The following SPARCL1 variants were observed in gnomAD, a reference collection of about 807,000 sequenced individuals.
SPARCL1 encodes SPARC like 1.
SPARCL1 carries 52 observed loss-of-function variants against 67.1 expected under a neutral mutation model. The observed-to-expected ratio is 0.78, with a 90% CI of 0.62 to 0.98. The LOEUF (loss-of-function observed/expected upper bound fraction) is 0.98, where lower values mean the gene tolerates loss of function less well. SPARCL1 is among the 50% of genes least tolerant of loss of function. The pLI, the probability that SPARCL1 is intolerant of heterozygous loss-of-function variation, is 0.00. For missense variants in SPARCL1, 717 were observed against 782.4 expected (o/e 0.92, Z 1.00); for synonymous variants, 226 against 267.8 (o/e 0.84, Z 1.52).
chr4:87,473,850 A>G, intron 10 of SPARCL1, 47 bp from the exon 11 acceptor site: 1 of 1,321,368 alleles, frequency 7.6e-7, no homozygotes, highest in Non-Finnish European at 1.1e-6. Flanking sequence ...AAGTAGCCAG[A>G]GTAGTAGCAC....
intron 6 of SPARCL1, 147 bp from the exon 7 acceptor site, chr4:87,490,540 T>C: frequency 1.9e-6 from 2 of 1,041,254 alleles, no homozygotes; most frequent in South Asian, 3.4e-5. Flanking sequence ...ATTGTTCCAT[T>C]TGGCATCAAA....
intron 7 of SPARCL1, among the ~76,000 whole-genome samples, chr4:87,484,358 A>T (rs201703716): frequency 7.8e-6 from 1 of 128,790 alleles, no homozygotes; most frequent in Non-Finnish European, 1.6e-5. Flanking sequence ...CCCATTGCTT[A>T]TTTTTGTCAG....
At chr4:87,526,803 C>A (rs1205526599) in intron 1 of SPARCL1, among the ~76,000 whole-genome samples, 1 of 152,196 alleles carries the variant, frequency 6.6e-6, no homozygotes, top group Non-Finnish European at 1.5e-5. Flanking sequence ...TATAGTTAGT[C>A]CAGTACTTTC....
chr4:87,508,914 A>G (rs575635262), intron 1 of SPARCL1, among the ~76,000 whole-genome samples: 1 of 115,056 alleles, frequency 8.7e-6, no homozygotes, highest in African/African-American at 3.2e-5. Flanking sequence ...TATAGTATAC[A>G]TATGTGTATA....
chr4:87,490,186 C>A, intron 7 of SPARCL1, 87 bp downstream of exon 7: 1 of 1,365,990 alleles, frequency 7.3e-7, no homozygotes, highest in Non-Finnish European at 9.7e-7. Context: ...CAGCTTTTCC[C>A]TGTTTGCATA....
In SPARCL1 at chr4:87,479,312, CT is replaced by C. The variant is rs200366320; in HGVS notation, c.1966+117del. ...GGAGTCCTATCTGGGAAGCTGCCAC[CT>C]TTTTTTTTCTAGCTTCCAATTCGAA... On this transcript the variant is annotated intron_variant, in intron 10 of 10. Coordinates refer to ENST00000282470, the MANE Select transcript of SPARCL1 (RefSeq NM_004684.6). The C allele has an allele frequency of 5.6e-4, 620 of 1,102,644 alleles. No individual in the cohort carries two copies. In the African/African-American group the frequency reaches 6.0e-3, roughly 11 times the overall value. The allele number at this position is 1,102,644 out of a possible 1,614,324, so 68.3% of individuals were successfully genotyped here.
chr4:87,522,679 A>ACACACACG (rs1449786114), intron 1 of SPARCL1, among the ~76,000 whole-genome samples: 25 of 148,376 alleles, frequency 1.7e-4, no homozygotes, highest in African/African-American at 5.8e-4. Flanking sequence ...ACACACACAC[A>ACACACACG]CACGCACACA....
Position 87,514,022 on chromosome 4 carries a change from C to T in SPARCL1, c.-11-14437G>A, listed in dbSNP as rs867807212. Among the ~76,000 whole-genome samples the T allele has an allele frequency of 3.2e-4, 49 of 151,810 alleles. 1 individual carries two copies. The highest frequency in any genetic ancestry group is 2.2e-3 in the Admixed American group (34 of 15,240). On this transcript the variant is annotated intron_variant, in intron 1 of 10. Transcript: ENST00000282470. ...CAGCCTGTCCAACATGGTGAAACCC[C>T]GTCTCTACTGAAAACACAAAAACTA... is the stretch of plus-strand genomic sequence containing the variant.
chr4:87,489,891 T>C (rs1724242112), intron 7 of SPARCL1, among the ~76,000 whole-genome samples: 1 of 152,194 alleles, frequency 6.6e-6, no homozygotes. Flanking sequence ...AAAAATGTGT[T>C]GTCAGAGACT....
chr4:87,503,282 T>C (rs1724922626), intron 1 of SPARCL1, among the ~76,000 whole-genome samples: 1 of 152,236 alleles, frequency 6.6e-6, no homozygotes, highest in Non-Finnish European at 1.5e-5. Flanking sequence ...CCTCCAATTC[T>C]GGAAACTTGC....
intron 3 of SPARCL1, among the ~76,000 whole-genome samples, 173 bp downstream of exon 3, chr4:87,494,807 TA>T (rs1162990744): frequency 2.1e-4 from 32 of 152,250 alleles, no homozygotes; most frequent in African/African-American, 7.7e-4. Flanking sequence ...GCCCAAGTAG[TA>T]AAACTCATTA....
chr4:87,493,797 G>T lies in SPARCL1; in HGVS notation c.1003C>A (p.His335Asn), dbSNP rs1474483629. 6.2e-7 allele frequency: 1 copy of T among 1,614,030 alleles called. No homozygotes were observed. Among genetic ancestry groups the T allele is most frequent in the Admixed American group, 1.7e-5 (1 of 60,008 alleles). The change falls in exon 4 of 11, where the codon CAT (histidine) becomes AAT (asparagine). Residue 335 changes from histidine to asparagine, a missense_variant. By Grantham distance (68) the His-to-Asn change is moderately conservative. Coordinates refer to ENST00000282470, the MANE Select transcript of SPARCL1 (RefSeq NM_004684.6). ...TCATCGCCATCATCATCAACTCCAT[G>T]ATTTCTGGGCGTGGTATTACCATCA... is the stretch of plus-strand genomic sequence containing the variant. ...TDDGNTTPRN[H>N]GVDDDGDDDG...
rs749154522 is a variant in SPARCL1, at chr4:87,480,515, C to A, written c.1674G>T (p.Lys558Asn). Reference sequence around the variant, plus strand: ...GCCTCTTTTCATCCAGGTAAATTTTCTTGACCTGGGATTAGGAAGGCAGAA... The same window carrying A: ...GCCTCTTTTCATCCAGGTAAATTTTATTGACCTGGGATTAGGAAGGCAGAA... ...YLNEKQRNKV[K>N]KIYLDEKRLL... is the part of the protein sequence containing the mutation. The change falls in exon 9 of 11, where the codon AAG becomes AAT. Residue 558 changes from lysine (K) to asparagine (N), a missense_variant. Coordinates refer to ENST00000282470, the MANE Select transcript of SPARCL1 (RefSeq NM_004684.6). 1.4e-5 allele frequency: 22 copies of A among 1,607,182 alleles called. No homozygotes were observed. The highest frequency in any genetic ancestry group is 1.9e-5 in the Non-Finnish European group (22 of 1,177,560).
At chr4:87,509,563 G>T (rs1396870658) in intron 1 of SPARCL1, among the ~76,000 whole-genome samples, 3 of 152,184 alleles carry the variant, frequency 2.0e-5, no homozygotes, top group African/African-American at 4.8e-5. Flanking sequence ...ACTCTAGAGG[G>T]TGGCAGGCAG....
intron 1 of SPARCL1, 106 bp from the exon 2 acceptor site, chr4:87,499,691 A>G: frequency 1.2e-6 from 1 of 815,742 alleles, no homozygotes; most frequent in East Asian, 2.7e-5. Flanking sequence ...TTGGCATATA[A>G]AAGTGATTTC....
chr4:87,513,446 T>G (rs556976307), intron 1 of SPARCL1, among the ~76,000 whole-genome samples: 2 of 152,328 alleles, frequency 1.3e-5, no homozygotes, highest in Admixed American at 1.3e-4. Flanking sequence ...CTTTGCCAAG[T>G]ACTAAATACT....
chr4:87,480,121 A>G (rs1052531621), intron 9 of SPARCL1, among the ~76,000 whole-genome samples: 2 of 152,196 alleles, frequency 1.3e-5, no homozygotes, highest in Non-Finnish European at 2.9e-5. Context: ...AAAAGATAAA[A>G]TTATAAAACA....
intron 7 of SPARCL1, 150 bp downstream of exon 7, chr4:87,490,123 G>T (rs1240879790): frequency 8.6e-6 from 7 of 810,866 alleles, no homozygotes; most frequent in Non-Finnish European, 1.3e-5. Context: ...AGGCCTGAGA[G>T]TTCTTATTTT....
Position 87,473,765 on chromosome 4 carries a change from A to T in SPARCL1, c.*10T>A. The stretch of plus-strand genomic sequence containing the variant: ...GGATGCTGGAAAGTTGAGTTCTTTA[A>T]AATCTTCGTTCAAAACAAGAGATTT... On this transcript the variant is annotated 3_prime_UTR_variant, in exon 11 of 11. Transcript: ENST00000282470. 4 of 1,604,622 alleles carry T rather than the reference A, an allele frequency of 2.5e-6. No homozygotes were observed. Among genetic ancestry groups the T allele is most frequent in the Non-Finnish European group, 3.4e-6 (4 of 1,172,690 alleles).
Sources: allele counts gnomAD v4.1 joint callset (sites outside exome capture counted in the v4.1 genomes callset), GRCh38; gene constraint gnomAD v4.1.1; transcripts MANE v1.5; gene names NCBI Gene and HGNC (gene_info 2026-07-23, HGNC 2026-07-21).